CTNNA3: variants seen among roughly 807,000 people sequenced by gnomAD.
CTNNA3 encodes catenin alpha-3.
Under a neutral mutation model 95.7 loss-of-function variants are expected in CTNNA3, and 76 were observed. The observed-to-expected ratio is 0.79, with a 90% confidence interval of 0.66 to 0.96. The LOEUF (loss-of-function observed/expected upper bound fraction) is 0.96, where lower values mean the gene tolerates loss of function less well. Ranked by LOEUF, CTNNA3 falls within the 40% of genes least tolerant of loss-of-function variation. The pLI is 0.00. For synonymous variants in CTNNA3, 431 were observed against 374.4 expected, an observed-to-expected ratio of 1.15 and a Z score of -1.74; for missense variants, 1,191 against 1,089.8, an observed-to-expected ratio of 1.09 and a Z score of -1.31.
intron 7 of CTNNA3, among the ~76,000 whole-genome samples, chr10:66,884,200 C>T (rs1844954694): frequency 6.6e-6 from 1 of 152,054 alleles, no homozygotes. Context: ...TATTAGGTCC[C>T]ACCTCCAACA....
At chr10:66,749,078 C>T (rs1303223388) in intron 9 of CTNNA3, among the ~76,000 whole-genome samples, 1 of 151,380 alleles carries the variant, frequency 6.6e-6, no homozygotes, top group African/African-American at 2.4e-5. Context: ...CAGCTGTCAC[C>T]TGTAGTCCCA....
At chr10:66,930,741 A>G (rs1372034605) in intron 7 of CTNNA3, among the ~76,000 whole-genome samples, 1 of 152,192 alleles carries the variant, frequency 6.6e-6, no homozygotes, top group Non-Finnish European at 1.5e-5. Context: ...ATATAACACT[A>G]AATGAATCAC....
chr10:66,970,456 G>A (rs1192122729), intron 7 of CTNNA3, among the ~76,000 whole-genome samples: 2 of 145,478 alleles, frequency 1.4e-5, no homozygotes, highest in East Asian at 4.0e-4. Flanking sequence ...GTTCAGTGAG[G>A]TAACTGGTAG....
chr10:66,872,348 GA>G lies in CTNNA3; in HGVS notation c.1048-96825del, dbSNP rs540847841. Among the ~76,000 whole-genome samples the G allele has an allele frequency of 1.1e-4, 16 of 152,200 alleles. No individual in the cohort carries two copies. The East Asian group carries it at 2.9e-3, about 28-fold the overall frequency. ...TCAGGACACAAATTGAGATTTTTCTGATTCTAGAGTTTATGTTATTTTTCAA... is the reference window on the plus strand; with the variant it reads ...TCAGGACACAAATTGAGATTTTTCTGTTCTAGAGTTTATGTTATTTTTCAA... On this transcript the variant is annotated intron_variant, in intron 7 of 17. Transcript: ENST00000433211.
At chr10:66,361,031 A>C (rs1339108317) in intron 12 of CTNNA3, among the ~76,000 whole-genome samples, 3 of 150,468 alleles carry the variant, frequency 2.0e-5, no homozygotes, top group Non-Finnish European at 4.4e-5. Flanking sequence ...ATCATAGTTC[A>C]TTGCATCCTT....
intron 1 of CTNNA3, among the ~76,000 whole-genome samples, chr10:67,761,313 A>T (rs1841460554): frequency 6.6e-6 from 1 of 152,226 alleles, no homozygotes; most frequent in South Asian, 2.1e-4. Context: ...CTGCCTGTAG[A>T]TGAAGAGATT....
intron 7 of CTNNA3, among the ~76,000 whole-genome samples, chr10:67,157,423 C>A (rs1861359590): frequency 6.6e-6 from 1 of 152,054 alleles, no homozygotes; most frequent in Admixed American, 6.5e-5. Flanking sequence ...AGAAGGCAGC[C>A]CCTCCTGTAT....
intron 13 of CTNNA3, among the ~76,000 whole-genome samples, chr10:66,114,695 A>G (rs1273330789): frequency 2.0e-5 from 3 of 151,872 alleles, no homozygotes; most frequent in Non-Finnish European, 4.4e-5. Context: ...CCTGGCCACC[A>G]TGGTGAAACC....
rs758334708 is a variant in CTNNA3, at chr10:66,042,930, G to T, written c.2159+26378C>A. Among the ~76,000 whole-genome samples the T allele has an allele frequency of 7.3e-3, 501 of 68,330 alleles. 11 individuals are homozygous for T. Among genetic ancestry groups the T allele is most frequent in the African/African-American group, 0.014 (240 of 17,090 alleles). The allele number at this position is 68,330 out of a possible 152,430, so 44.8% of individuals were successfully genotyped here. A position where few individuals can be genotyped will look rare whatever the true frequency, so the allele number is the denominator to read the frequency against. ...AAAAAAAAAAAAAAAAAAAAAAAAA[G>T]AAAATAAAAATAATGAGAATAAGTG... On this transcript the variant is annotated intron_variant, in intron 15 of 17. Transcript: ENST00000433211.
intron 6 of CTNNA3, among the ~76,000 whole-genome samples, chr10:67,199,158 G>A (rs1863517758): frequency 6.6e-6 from 1 of 152,104 alleles, no homozygotes; most frequent in South Asian, 2.1e-4. Context: ...GAAAGTGAAA[G>A]TAAAGAAACA....
intron 11 of CTNNA3, 125 bp from the exon 12 acceptor site, chr10:66,379,477 T>G: frequency 2.5e-6 from 2 of 788,726 alleles, no homozygotes; most frequent in South Asian, 3.7e-5. Context: ...TGGAAGACTT[T>G]GAGAATTATA....
intron 7 of CTNNA3, among the ~76,000 whole-genome samples, chr10:66,978,553 A>AG (rs1850217015): frequency 1.3e-4 from 2 of 15,310 alleles, no homozygotes; most frequent in Non-Finnish European, 3.8e-4. Context: ...AAAAAAAAAA[A>AG]TATATATATA....
At chr10:66,147,208 T>C (rs2083931440) in intron 13 of CTNNA3, among the ~76,000 whole-genome samples, 1 of 152,120 alleles carries the variant, frequency 6.6e-6, no homozygotes, top group South Asian at 2.1e-4. Context: ...AGAAATTATC[T>C]CTGTAATAGT....
chr10:66,069,338 A>C lies in CTNNA3; in HGVS notation c.2129T>G (p.Met710Arg). 1 of 1,613,590 alleles carries C rather than the reference A, an allele frequency of 6.2e-7. No homozygotes were observed. Among genetic ancestry groups the C allele is most frequent in the Non-Finnish European group, 8.5e-7 (1 of 1,179,692 alleles). Reference sequence around the variant, plus strand: ...GAAGTCTGTCATCTCCATCATGATCATACACATGTTCTTGGCCAGAACAAT... The same window carrying C: ...GAAGTCTGTCATCTCCATCATGATCCTACACATGTTCTTGGCCAGAACAAT... ...DIIVLAKNMCMIMMEMTDFTR... is the reference protein window; with the variant it reads ...DIIVLAKNMCRIMMEMTDFTR... Residue 710 changes from methionine to arginine, a missense_variant, in exon 15 of 18, where the codon ATG (methionine) becomes AGG (arginine). Physicochemically the swap from Met to Arg is moderately conservative, Grantham distance 91 (BLOSUM62 -1). Coordinates refer to ENST00000433211, the MANE Select transcript of CTNNA3 (RefSeq NM_013266.4).
intron 12 of CTNNA3, among the ~76,000 whole-genome samples, chr10:66,300,924 C>T (rs2091852892): frequency 2.0e-5 from 3 of 151,542 alleles, no homozygotes; most frequent in African/African-American, 7.3e-5. Context: ...AATTTACAAG[C>T]CCGTAGCCAG....
Position 67,063,682 on chromosome 10 carries a change from G to A in CTNNA3, c.1047+116635C>T, listed in dbSNP as rs551218680. 3.9e-5 allele frequency among the ~76,000 whole-genome samples: 6 copies of A among 152,294 alleles called. No individual in the cohort carries two copies. In the East Asian group the frequency reaches 7.7e-4, roughly 20 times the overall value. The stretch of plus-strand genomic sequence containing the variant: ...GAATAAATACTTAGACACCTAATAC[G>A]TATGAAGTCACACAGATAATTGGCA... On this transcript the variant is annotated intron_variant, in intron 7 of 17. Transcript: ENST00000433211.
At chr10:66,366,275 T>C (rs2092710715) in intron 12 of CTNNA3, among the ~76,000 whole-genome samples, 1 of 152,070 alleles carries the variant, frequency 6.6e-6, no homozygotes, top group Admixed American at 6.6e-5. Context: ...TGCATGTCAG[T>C]TAGGTGTAAT....
At chr10:66,738,341 C>A (rs1402830796) in intron 9 of CTNNA3, among the ~76,000 whole-genome samples, 1 of 152,098 alleles carries the variant, frequency 6.6e-6, no homozygotes, top group African/African-American at 2.4e-5. Context: ...TCTGTTTTTA[C>A]CACCTCCAAT....
chr10:66,337,131 C>T (rs1185773664), intron 12 of CTNNA3, among the ~76,000 whole-genome samples: 1 of 151,892 alleles, frequency 6.6e-6, no homozygotes, highest in Non-Finnish European at 1.5e-5. Context: ...TTTATGTTAA[C>T]TTCTAATGGG....
Sources: allele counts gnomAD v4.1 joint callset (sites outside exome capture counted in the v4.1 genomes callset), GRCh38; gene constraint gnomAD v4.1.1; transcripts MANE v1.5; gene names NCBI Gene and HGNC (gene_info 2026-07-23, HGNC 2026-07-21).